The following TCF25 variants were observed in gnomAD, a reference collection of about 807,000 sequenced individuals.
TCF25 encodes TCF25 ribosome quality control complex subunit.
Under a neutral mutation model 83.1 loss-of-function variants are expected in TCF25, and 41 were observed. The ratio of observed to expected loss-of-function variants is 0.49; its 90% CI spans 0.38 to 0.64. The LOEUF (loss-of-function observed/expected upper bound fraction) is 0.64, where lower values mean the gene tolerates loss of function less well. TCF25 is among the 30% of genes least tolerant of loss of function. The probability of loss-of-function intolerance (pLI) is 0.00; values close to 1 mark genes in which losing one functional copy is unlikely to be tolerated. For missense variants in TCF25, 979 were observed against 914.5 expected (o/e 1.07, Z -0.91); for synonymous variants, 458 against 365.0 (o/e 1.25, Z -2.90).
At chr16:89,878,452 T>TC in intron 1 of TCF25, 1 of 1,245,976 alleles carries the variant, frequency 8.0e-7, no homozygotes, top group Non-Finnish European at 1.0e-6. Context: ...TTTTTTTTTT[T>TC]TTTTTTAGGA....
At chr16:89,904,274 C>A in intron 13 of TCF25, 69 bp downstream of exon 13, 1 of 1,510,678 alleles carries the variant, frequency 6.6e-7, no homozygotes, top group Non-Finnish European at 9.0e-7. Context: ...CATTTTCACT[C>A]ATCCTGAGAG....
chr16:89,910,131 G>A lies in TCF25; in HGVS notation c.1800-460G>A, dbSNP rs561740179. ...AGCCCAGGCTTTCGCCCTCCCTAGA[G>A]CTCCTGAGGCCTGGCCGCTCAGCGT... On this transcript the variant is annotated intron_variant, in intron 16 of 17. Transcript: ENST00000263346. 6.0e-4 allele frequency: 99 copies of A among 165,246 alleles called. 1 individual carries two copies. In the South Asian group the frequency reaches 0.015, roughly 25 times the overall value. 10.2% of individuals were successfully genotyped at this position (165,246 alleles called of 1,614,324 possible).
chr16:89,906,789 C>T (rs1489070225), intron 15 of TCF25, among the ~76,000 whole-genome samples: 4 of 152,142 alleles, frequency 2.6e-5, no homozygotes, highest in African/African-American at 9.7e-5. Context: ...CTCTGCGGGC[C>T]CTTATGACCG....
intron 12 of TCF25, among the ~76,000 whole-genome samples, chr16:89,902,996 A>AC (rs1161410386): frequency 3.9e-5 from 6 of 152,170 alleles, no homozygotes; most frequent in Non-Finnish European, 8.8e-5. Context: ...GCCAGGCCTC[A>AC]GTCTGCTCGC....
intron 13 of TCF25, 114 bp downstream of exon 13, chr16:89,904,319 C>A (rs2044592733): frequency 8.2e-7 from 1 of 1,214,522 alleles, no homozygotes; most frequent in Non-Finnish European, 1.2e-6. Flanking sequence ...GCAGGAGGGG[C>A]TGTGGTGGCG....
chr16:89,893,104 T>C (rs1158147060), intron 6 of TCF25, among the ~76,000 whole-genome samples: 2 of 152,208 alleles, frequency 1.3e-5, no homozygotes, highest in African/African-American at 4.8e-5. Context: ...TGGCCATGTA[T>C]TCCTGCAGGA....
At chr16:89,898,957 G>C (rs2044106018) in intron 11 of TCF25, 85 bp downstream of exon 11, 2 of 1,271,440 alleles carry the variant, frequency 1.6e-6, no homozygotes, top group African/African-American at 1.5e-5. Flanking sequence ...TGTGCGCTCA[G>C]GGGACGTTTG....
rs973046981 is a variant in TCF25, at chr16:89,874,067, C to T, written c.192+208C>T. ...GGCGTGGGGTGAAGACGGCGGGCCG[C>T]GGAGTTAGACTGGGTTCTAACCCCG... On this transcript the variant is annotated intron_variant, in intron 1 of 17. Transcript: ENST00000263346. Among the ~76,000 whole-genome samples, 7 of 107,864 alleles carry T rather than the reference C, an allele frequency of 6.5e-5. No homozygotes were observed. In the East Asian group the frequency reaches 1.8e-3, roughly 27 times the overall value. 70.8% of individuals were successfully genotyped at this position (107,864 alleles called of 152,430 possible). A position where few individuals can be genotyped will look rare whatever the true frequency, so the allele number is the denominator to read the frequency against.
At chr16:89,900,484 C>G (rs1337058516) in intron 11 of TCF25, 151 bp from the exon 12 acceptor site, 2 of 835,198 alleles carry the variant, frequency 2.4e-6, no homozygotes, top group Admixed American at 5.9e-5. Flanking sequence ...TTTAAGTTAT[C>G]TTTATGCTGA....
chr16:89,882,161 C>A (rs2042658363), intron 1 of TCF25, among the ~76,000 whole-genome samples: 1 of 152,188 alleles, frequency 6.6e-6, no homozygotes, highest in African/African-American at 2.4e-5. Flanking sequence ...AGGTTTTATC[C>A]ATTTAATATT....
chr16:89,890,700 G>C (rs914276731), intron 5 of TCF25: 1 of 151,760 alleles, frequency 6.6e-6, no homozygotes, highest in Non-Finnish European at 1.5e-5. Flanking sequence ...GCATCTGCTT[G>C]GTCTGTCTTG....
chr16:89,899,732 A>C (rs990301203), intron 11 of TCF25, among the ~76,000 whole-genome samples: 9 of 152,020 alleles, frequency 5.9e-5, no homozygotes, highest in African/African-American at 2.4e-5. Flanking sequence ...CCGTCTCAAA[A>C]AAAAAAAAAG....
Position 89,900,708 on chromosome 16 carries a change from A to T in TCF25, c.1295A>T (p.Gln432Leu). ...CTGGCGTATTTCCTGCTGAGCCAGC[A>T]GACAGACCTCCCTGAGTGTGAGCAG... is the stretch of plus-strand genomic sequence containing the variant. ...VPLAYFLLSQ[Q>L]TDLPECEQSS... is the part of the protein sequence containing the mutation. Residue 432 changes from glutamine to leucine, a missense_variant, in exon 12 of 18, where the codon CAG (glutamine) becomes CTG (leucine). Physicochemically the swap from Gln to Leu is moderately radical, Grantham distance 113 (BLOSUM62 -2). Transcript: ENST00000263346. The T allele has an allele frequency of 6.2e-7, 1 of 1,606,896 alleles. No homozygotes were observed. The highest frequency in any genetic ancestry group is 8.5e-7 in the Non-Finnish European group (1 of 1,173,898).
At chr16:89,893,651 C>T (rs112129263) in intron 6 of TCF25, 77 bp from the exon 7 acceptor site, 194 of 1,605,850 alleles carry the variant, frequency 1.2e-4, no homozygotes, top group Non-Finnish European at 1.5e-4. Flanking sequence ...CAGAACACCA[C>T]GAAGGTGAGG....
intron 16 of TCF25, among the ~76,000 whole-genome samples, chr16:89,907,962 C>T (rs1485709510): frequency 8.9e-5 from 12 of 134,540 alleles, no homozygotes; most frequent in African/African-American, 1.8e-4. Flanking sequence ...CTCCTCCCGC[C>T]GCCTAGCTCC....
intron 12 of TCF25, 50 bp from the exon 13 acceptor site, chr16:89,904,068 G>T: frequency 6.4e-7 from 1 of 1,562,688 alleles, no homozygotes; most frequent in Non-Finnish European, 8.7e-7. Flanking sequence ...GGCTAGGAGT[G>T]GCTGGGGTGT....
chr16:89,891,258 T>C (rs776234820), intron 5 of TCF25, among the ~76,000 whole-genome samples: 3 of 152,190 alleles, frequency 2.0e-5, no homozygotes, highest in Non-Finnish European at 2.9e-5. Flanking sequence ...ATCCCTGGGA[T>C]TCTGTACATC....
At chr16:89,874,338 G>A (rs1273579669) in intron 1 of TCF25, among the ~76,000 whole-genome samples, 1 of 151,738 alleles carries the variant, frequency 6.6e-6, no homozygotes, top group Admixed American at 6.6e-5. Flanking sequence ...AGGCGATGGC[G>A]TGGGCGGGGT....
At chr16:89,886,104 A>G (rs559291696) in intron 4 of TCF25, 138 bp downstream of exon 4, 2 of 649,542 alleles carry the variant, frequency 3.1e-6, no homozygotes, top group East Asian at 7.1e-5. Flanking sequence ...AAAAGGAAAA[A>G]TAAAATGTAC....
Sources: gnomAD v4.1 joint callset for allele counts (sites outside exome capture counted in the v4.1 genomes callset) on GRCh38, gnomAD v4.1.1 for gene constraint, MANE v1.5 for transcripts, NCBI Gene and HGNC (gene_info 2026-07-23, HGNC 2026-07-21) for gene names.